Variants in PCCB observed in about 807,000 individuals in gnomAD.
PCCB encodes the protein propionyl-CoA carboxylase subunit beta.
A neutral mutation model predicts 60.7 loss-of-function variants in PCCB; 43 were observed. The ratio of observed to expected loss-of-function variants is 0.71; its 90% CI spans 0.55 to 0.91. The LOEUF is 0.91. Ranked by LOEUF, PCCB falls within the 40% of genes least tolerant of loss-of-function variation. The probability of loss-of-function intolerance (pLI) is 0.00; values close to 1 mark genes in which losing one functional copy is unlikely to be tolerated. For synonymous variants in PCCB, 276 were observed against 255.9 expected (o/e 1.08, Z -0.75); for missense variants, 766 against 702.8 (o/e 1.09, Z -1.02).
chr3:136,317,212 A>ATTTTTTTTTTTTTTTTTTTT (rs397694948), intron 10 of PCCB, 148 bp downstream of exon 10: 1 of 205,282 alleles, frequency 4.9e-6, no homozygotes, highest in Non-Finnish European at 8.0e-6. Context: ...ATAAAAGCTA[A>ATTTTTTTTTTTTTTTTTTTT]TTTTTTTTTT....
At chr3:136,264,585 T>C (rs1941927135) in intron 5 of PCCB, among the ~76,000 whole-genome samples, 1 of 151,672 alleles carries the variant, frequency 6.6e-6, no homozygotes, top group Admixed American at 6.6e-5. Flanking sequence ...TTTTAAAAAA[T>C]AGCTTTGGCC....
chr3:136,286,142 A>G (rs544701947), intron 6 of PCCB, among the ~76,000 whole-genome samples: 1 of 152,354 alleles, frequency 6.6e-6, no homozygotes, highest in South Asian at 2.1e-4. Context: ...CAGAATTGAT[A>G]CATAGATCTA....
chr3:136,283,902 G>A lies in PCCB; in HGVS notation c.609G>A (p.Gly203=), dbSNP rs2108181992. The A allele has an allele frequency of 6.2e-7, 1 of 1,613,736 alleles. No homozygotes were observed. The change falls in exon 6 of 15, where the codon GGG becomes GGA. Residue 203 remains glycine, a synonymous_variant. Coordinates refer to ENST00000251654, the MANE Select transcript of PCCB (RefSeq NM_000532.5). ...ISLIMGPCAG[G]AVYSPALTDF... is the part of the protein sequence containing the mutation. ...TGATCATGGGCCCATGTGCTGGTGG[G>A]GCCGTCTACTCCCCAGCCCTAACAG... is the stretch of plus-strand genomic sequence containing the variant.
At chr3:136,299,909 CATGT>C (rs995919394) in intron 8 of PCCB, among the ~76,000 whole-genome samples, 2 of 151,020 alleles carry the variant, frequency 1.3e-5, no homozygotes, top group African/African-American at 2.4e-5. Context: ...CATATGTATG[CATGT>C]ATATGTATGC....
intron 5 of PCCB, among the ~76,000 whole-genome samples, chr3:136,273,911 C>CAAAAAAA (rs34690853): frequency 3.6e-5 from 2 of 55,490 alleles, no homozygotes; most frequent in Non-Finnish European, 6.4e-5. Flanking sequence ...GACTCTGTCT[C>CAAAAAAA]AAAAAAAAAA....
At chr3:136,327,807 GAAA>G in intron 13 of PCCB, 75 bp downstream of exon 13, 1 of 1,221,542 alleles carries the variant, frequency 8.2e-7, no homozygotes, top group Non-Finnish European at 1.2e-6. Flanking sequence ...GCATAGCTGG[GAAA>G]TGTTGGAGAG....
At chr3:136,261,830 A>T in intron 4 of PCCB, 122 bp from the exon 5 acceptor site, 2 of 716,004 alleles carry the variant, frequency 2.8e-6, no homozygotes, top group Non-Finnish European at 5.1e-6. Flanking sequence ...AACCAGTGTT[A>T]CTGCCTCCTG....
intron 1 of PCCB, among the ~76,000 whole-genome samples, chr3:136,254,548 T>TTTTTTTTC (rs1411852644): frequency 7.7e-6 from 1 of 130,350 alleles, no homozygotes; most frequent in Admixed American, 7.5e-5. Flanking sequence ...TTTTTTTTTT[T>TTTTTTTTC]AAAAGACAGG....
chr3:136,276,665 C>T (rs1035804445), intron 5 of PCCB, among the ~76,000 whole-genome samples: 3 of 152,186 alleles, frequency 2.0e-5, no homozygotes, highest in South Asian at 2.1e-4. Flanking sequence ...TTCACCTTTG[C>T]CAAGCTCCTG....
intron 5 of PCCB, among the ~76,000 whole-genome samples, chr3:136,268,079 T>TGC (rs1183812797): frequency 1.7e-5 from 2 of 119,686 alleles, no homozygotes; most frequent in African/African-American, 3.2e-5. Context: ...TGTGTGTGTG[T>TGC]GTGTGTAGAT....
chr3:136,252,717 T>G (rs1438862278), intron 1 of PCCB, among the ~76,000 whole-genome samples: 1 of 149,428 alleles, frequency 6.7e-6, no homozygotes, highest in African/African-American at 2.5e-5. Flanking sequence ...TTGCCCAGGC[T>G]GGTCTCAACT....
chr3:136,297,781 C>G (rs1934001369), intron 7 of PCCB, among the ~76,000 whole-genome samples, 171 bp from the exon 8 acceptor site: 1 of 152,128 alleles, frequency 6.6e-6, no homozygotes, highest in Admixed American at 6.5e-5. Context: ...GAAGGATCAC[C>G]CGGAAGGTAT....
In PCCB at chr3:136,256,582, C is replaced by A; in HGVS notation, c.331C>A (p.Arg111=). Residue 111 remains arginine (R), a synonymous_variant, in exon 3 of 15, where the codon CGA becomes AGA. Transcript: ENST00000251654. ...TCCTGGAGACAGCGTGGTCACTGGA[C>A]GAGGCCGAATCAATGGAAGATTGGT... The part of the protein sequence containing the change: ...KFPGDSVVTG[R]GRINGRLVYV... 6.2e-7 allele frequency: 1 copy of A among 1,613,034 alleles called. No individual in the cohort carries two copies. Among genetic ancestry groups the A allele is most frequent in the Non-Finnish European group, 8.5e-7 (1 of 1,179,076 alleles).
At chr3:136,283,045 A>G (rs1485619938) in intron 5 of PCCB, among the ~76,000 whole-genome samples, 1 of 152,216 alleles carries the variant, frequency 6.6e-6, no homozygotes, top group Non-Finnish European at 1.5e-5. Context: ...ATATCTTTGC[A>G]GAAAGCATAG....
chr3:136,268,274 A>G (rs925776198), intron 5 of PCCB, among the ~76,000 whole-genome samples: 3 of 151,220 alleles, frequency 2.0e-5, no homozygotes, highest in South Asian at 2.1e-4. Context: ...CCATTAATTG[A>G]CATAACTATT....
In PCCB at chr3:136,268,118, ATATG is replaced by A. The variant is rs1287114220; in HGVS notation, c.543+6057_543+6060del. On this transcript the variant is annotated intron_variant, in intron 5 of 14. Transcript: ENST00000251654. ...TATATATATATATATATATATATAT[ATATG>A]TATATATATATATATATATCTACAT... is the stretch of plus-strand genomic sequence containing the variant. Among the ~76,000 whole-genome samples, 80 of 130,054 alleles carry A rather than the reference ATATG, an allele frequency of 6.2e-4. 1 individual carries two copies. The highest frequency in any genetic ancestry group is 2.5e-3 in the African/African-American group (77 of 30,806). 85.3% of individuals were successfully genotyped at this position (130,054 alleles called of 152,430 possible). A position where few individuals can be genotyped will look rare whatever the true frequency, so the allele number is the denominator to read the frequency against.
intron 6 of PCCB, among the ~76,000 whole-genome samples, chr3:136,286,147 G>A (rs148112435): frequency 2.4e-4 from 37 of 152,282 alleles, no homozygotes; most frequent in Admixed American, 6.5e-4. Flanking sequence ...TTGATACATA[G>A]ATCTATATCT....
At chr3:136,262,504 C>T (rs764342362) in intron 5 of PCCB, among the ~76,000 whole-genome samples, 1 of 152,008 alleles carries the variant, frequency 6.6e-6, no homozygotes, top group Non-Finnish European at 1.5e-5. Flanking sequence ...ATGAAATCAC[C>T]CCAGATCCTA....
chr3:136,300,114 C>A (rs942563708), intron 8 of PCCB, among the ~76,000 whole-genome samples: 2 of 151,164 alleles, frequency 1.3e-5, no homozygotes, highest in Non-Finnish European at 3.0e-5. Context: ...ACATGCATAT[C>A]TACACGTGTA....
Sources: allele counts gnomAD v4.1 joint callset (sites outside exome capture counted in the v4.1 genomes callset), GRCh38; gene constraint gnomAD v4.1.1; transcripts MANE v1.5; gene names NCBI Gene and HGNC (gene_info 2026-07-23, HGNC 2026-07-21).